The following KIF14 variants were observed in gnomAD, a reference collection of about 807,000 sequenced individuals.
The protein encoded by KIF14 is kinesin-like protein KIF14.
A neutral mutation model predicts 176.2 loss-of-function variants in KIF14; 98 were observed. The observed-to-expected ratio is 0.56, with a 90% confidence interval of 0.47 to 0.66. The LOEUF (loss-of-function observed/expected upper bound fraction) is 0.66. KIF14 is among the 30% of genes least tolerant of loss of function. KIF14 has a pLI of 0.00. For missense variants in KIF14, 1,751 were observed against 1,920.4 expected, an observed-to-expected ratio of 0.91 and a Z score of 1.65; for synonymous variants, 566 against 632.2, an observed-to-expected ratio of 0.90 and a Z score of 1.57.
intron 4 of KIF14, 22 bp downstream of exon 4, chr1:200,614,296 T>C: frequency 7.7e-7 from 1 of 1,305,712 alleles, no homozygotes; most frequent in Non-Finnish European, 1.1e-6. Context: ...AAAAGAAGCT[T>C]GCAGGTATTA....
chr1:200,589,187 T>G, intron 18 of KIF14, 30 bp downstream of exon 18: 2 of 1,554,234 alleles, frequency 1.3e-6, no homozygotes, highest in Non-Finnish European at 1.7e-6. Flanking sequence ...TTTCTCAGAA[T>G]AGAGTTAACT....
chr1:200,581,660 T>C lies in KIF14; in HGVS notation c.3242-366A>G, dbSNP rs186262754. 5.8e-3 allele frequency among the ~76,000 whole-genome samples: 879 copies of C among 152,014 alleles called. 7 individuals are homozygous for C. Among genetic ancestry groups the C allele is most frequent in the African/African-American group, 0.02 (845 of 41,500 alleles). On this transcript the variant is annotated intron_variant, in intron 19 of 29. Coordinates refer to ENST00000367350, the MANE Select transcript of KIF14 (RefSeq NM_014875.3). ...CTATAGTCTTACTTATGTAGAAACA[T>C]GTCCTTTTGTATTTTGCCTAAAAAT...
intron 25 of KIF14, among the ~76,000 whole-genome samples, chr1:200,562,454 T>G (rs1224307592): frequency 6.6e-6 from 1 of 152,222 alleles, no homozygotes; most frequent in Non-Finnish European, 1.5e-5. Flanking sequence ...AACAGGAGAC[T>G]CAAAAATTTA....
chr1:200,556,013 C>T (rs1200835480), intron 27 of KIF14, among the ~76,000 whole-genome samples: 1 of 152,142 alleles, frequency 6.6e-6, no homozygotes, highest in Non-Finnish European at 1.5e-5. Context: ...AAATACTATA[C>T]TCTAAAAACT....
rs150766596 is a variant in KIF14 at position 200,592,110 on chromosome 1, T to G, written c.2783A>C (p.Lys928Thr). ...SEGPKDFEFA[K>T]NELLMAQRSQ... ...TCTCTGTGCCATGAGCAACTCATTT[T>G]TTGCAAATTCAAAGTCTTTTGGACC... The change falls in exon 16 of 30, where the codon AAA becomes ACA. Residue 928 changes from lysine to threonine, a missense_variant. Lys to Thr is a moderately conservative substitution (Grantham distance 78). Coordinates refer to ENST00000367350, the MANE Select transcript of KIF14 (RefSeq NM_014875.3). 5.2e-4 allele frequency: 836 copies of G among 1,613,572 alleles called. 1 individual carries two copies. Among genetic ancestry groups the G allele is most frequent in the Non-Finnish European group, 6.7e-4 (792 of 1,179,840 alleles).
chr1:200,553,664 G>A lies in KIF14; in HGVS notation c.4671C>T (p.Gly1557=). ...SDFSVPSTSV[G]SYESRVTHIV... ...TGTGAGTTACTCTACTCTCATAGCT[G>A]CCAACAGAAGTAGAAGGCACACTGA... is the stretch of plus-strand genomic sequence containing the variant. The change falls in exon 30 of 30, where the codon GGC becomes GGT. Residue 1557 remains glycine (G), a synonymous_variant. Coordinates refer to ENST00000367350, the MANE Select transcript of KIF14 (RefSeq NM_014875.3). 1 of 1,613,994 alleles carries A rather than the reference G, an allele frequency of 6.2e-7. No individual in the cohort carries two copies. The highest frequency in any genetic ancestry group is 8.5e-7 in the Non-Finnish European group (1 of 1,179,946).
intron 14 of KIF14, 68 bp downstream of exon 14, chr1:200,598,169 G>A: frequency 7.2e-7 from 1 of 1,381,096 alleles, no homozygotes; most frequent in South Asian, 1.3e-5. Context: ...TATGCCATAT[G>A]AAGGAAACCA....
intron 21 of KIF14, among the ~76,000 whole-genome samples, chr1:200,576,983 C>T (rs1289493315): frequency 2.0e-5 from 3 of 151,940 alleles, no homozygotes; most frequent in Non-Finnish European, 4.4e-5. Context: ...GCACGCAACA[C>T]CACATCTGTC....
At position 200,618,845 on chromosome 1, in the gene KIF14, GAAAA is replaced by G; in HGVS notation, c.-115-11_-115-8del. 1 of 649,058 alleles carries G rather than the reference GAAAA, an allele frequency of 1.5e-6. No homozygotes were observed. Among genetic ancestry groups the G allele is most frequent in the East Asian group, 3.1e-5 (1 of 32,070 alleles). 40.2% of individuals were successfully genotyped at this position (649,058 alleles called of 1,614,324 possible). On this transcript the variant is annotated splice_polypyrimidine_tract_variant and splice_region_variant and intron_variant, in intron 1 of 29. Transcript: ENST00000367350. The stretch of plus-strand genomic sequence containing the variant: ...TCTGAAAGTATCTGCTAAACTAAAA[GAAAA>G]AAAAAAGATTTAGATCACACAGACT...
chr1:200,617,608 A>G lies in KIF14; in HGVS notation c.1112+4T>C, dbSNP rs1660463685. The stretch of plus-strand genomic sequence containing the variant: ...GGCTTTAGATTTTAAAAGGCATCAC[A>G]TACCTCTTGGTGAAAGGTCTTACGC... On this transcript the variant is annotated splice_donor_region_variant and intron_variant, in intron 2 of 29. Transcript: ENST00000367350. 3.1e-6 allele frequency: 5 copies of G among 1,592,124 alleles called. No individual in the cohort carries two copies. The highest frequency in any genetic ancestry group is 3.4e-6 in the Non-Finnish European group (4 of 1,168,340).
intron 18 of KIF14, among the ~76,000 whole-genome samples, chr1:200,587,512 C>T (rs1558068714): frequency 6.6e-6 from 1 of 151,760 alleles, no homozygotes; most frequent in South Asian, 2.1e-4. Context: ...ATTATAAGCC[C>T]AATAATAATA....
Position 200,592,976 on chromosome 1 carries a change from T to C in KIF14, c.2652+691A>G, listed in dbSNP as rs117618606. ...ATAATCTTATGGGACCACTGTTACA[T>C]ATGTGGTCCCTCATTGCCCAAAACA... On this transcript the variant is annotated intron_variant, in intron 15 of 29. Transcript: ENST00000367350. Among the ~76,000 whole-genome samples the C allele has an allele frequency of 7.9e-3, 1,203 of 152,338 alleles. 44 individuals carry two copies. Among genetic ancestry groups the C allele is most frequent in the Admixed American group, 0.059 (900 of 15,302 alleles).
chr1:200,617,602 C>T lies in KIF14; in HGVS notation c.1112+10G>A. The T allele has an allele frequency of 1.3e-6, 2 of 1,580,986 alleles. No individual in the cohort carries two copies. The highest frequency in any genetic ancestry group is 8.6e-7 in the Non-Finnish European group (1 of 1,163,050). On this transcript the variant is annotated intron_variant, in intron 2 of 29. Coordinates refer to ENST00000367350, the MANE Select transcript of KIF14 (RefSeq NM_014875.3). ...CTGCTTGGCTTTAGATTTTAAAAGG[C>T]ATCACATACCTCTTGGTGAAAGGTC...
intron 2 of KIF14, among the ~76,000 whole-genome samples, chr1:200,616,979 C>CT (rs1005371331): frequency 9.9e-5 from 15 of 151,510 alleles, no homozygotes; most frequent in African/African-American, 2.4e-4. Context: ...TATGGCTCTT[C>CT]TTTTTTTTGA....
chr1:200,563,244 G>A (rs998879763), intron 25 of KIF14, among the ~76,000 whole-genome samples: 26 of 152,028 alleles, frequency 1.7e-4, no homozygotes, highest in African/African-American at 2.7e-4. Context: ...AAAGTCTTTC[G>A]GTGGGCACTA....
chr1:200,613,536 T>A lies in KIF14; in HGVS notation c.1455+782A>T, dbSNP rs557404566. Among the ~76,000 whole-genome samples, 45 of 152,308 alleles carry A rather than the reference T, an allele frequency of 3.0e-4. 1 individual carries two copies. Among genetic ancestry groups the A allele is most frequent in the Non-Finnish European group, 5.6e-4 (38 of 68,016 alleles). On this transcript the variant is annotated intron_variant, in intron 4 of 29. Coordinates refer to ENST00000367350, the MANE Select transcript of KIF14 (RefSeq NM_014875.3). ...ACTACACTCCTTTGAATACAGGGAC[T>A]GGGTCTTTTAACTCCACACCCCTAA... is the stretch of plus-strand genomic sequence containing the variant.
At chr1:200,578,010 T>C (rs1658226962) in intron 21 of KIF14, among the ~76,000 whole-genome samples, 1 of 151,974 alleles carries the variant, frequency 6.6e-6, no homozygotes, top group South Asian at 2.1e-4. Context: ...TATTGCATGG[T>C]TATTCACCTA....
chr1:200,616,473 A>G (rs1483482846), intron 2 of KIF14, among the ~76,000 whole-genome samples: 2 of 152,046 alleles, frequency 1.3e-5, no homozygotes, highest in African/African-American at 4.8e-5. Context: ...AGACATTCCA[A>G]TTCTCTCAAA....
Position 200,618,450 on chromosome 1 carries a change from T to G in KIF14, c.274A>C (p.Arg92=), listed in dbSNP as rs376982496. The change falls in exon 2 of 30, where the codon AGG becomes CGG. Residue 92 remains arginine (R), a synonymous_variant. Transcript: ENST00000367350. ...PNPVGRLALQ[R]RTTRNKESSL... ...GATTCTTTGTTCCTTGTAGTTCTCC[T>G]CTGAAGTGCCAATCTACCTACAGGA... The G allele has an allele frequency of 1.2e-6, 2 of 1,614,202 alleles. No homozygotes were observed. The highest frequency in any genetic ancestry group is 4.5e-5 in the East Asian group (2 of 44,876).
Sources: allele counts gnomAD v4.1 joint callset (sites outside exome capture counted in the v4.1 genomes callset), GRCh38; gene constraint gnomAD v4.1.1; transcripts MANE v1.5; gene names NCBI Gene and HGNC (gene_info 2026-07-23, HGNC 2026-07-21).